The following KCNJ6 variants were observed in gnomAD, a reference collection of about 807,000 sequenced individuals.
KCNJ6 encodes potassium inwardly rectifying channel subfamily J member 6, also known as G protein-activated inward rectifier potassium channel 2.
A neutral mutation model predicts 34.2 loss-of-function variants in KCNJ6; 9 were observed. The observed-to-expected ratio is 0.26, with a 90% confidence interval of 0.16 to 0.46. The LOEUF is 0.46. Among genes scored for constraint, KCNJ6 ranks in the 20% least tolerant of loss-of-function variants. KCNJ6 has a pLI of 1.00. For missense variants in KCNJ6, 236 were observed against 531.3 expected, an observed-to-expected ratio of 0.44 and a Z score of 5.46; for synonymous variants, 196 against 207.1, an observed-to-expected ratio of 0.95 and a Z score of 0.46.
intron 2 of KCNJ6, among the ~76,000 whole-genome samples, chr21:37,786,595 T>C (rs983800445): frequency 2.0e-5 from 3 of 152,172 alleles, no homozygotes; most frequent in East Asian, 1.9e-4. Flanking sequence ...TCAAAGACTA[T>C]ATGCAACAAA....
chr21:37,676,651 C>T (rs1325830342), intron 3 of KCNJ6, among the ~76,000 whole-genome samples: 1 of 152,218 alleles, frequency 6.6e-6, no homozygotes, highest in Non-Finnish European at 1.5e-5. Context: ...AAGCAAGGCA[C>T]CAGCCAGAGC....
chr21:37,862,310 A>C (rs2055598619), intron 1 of KCNJ6, among the ~76,000 whole-genome samples: 1 of 152,260 alleles, frequency 6.6e-6, no homozygotes, highest in South Asian at 2.1e-4. Flanking sequence ...TAAATATCCA[A>C]TGTGCTTTTT....
At chr21:37,827,885 T>C (rs1357267335) in intron 2 of KCNJ6, among the ~76,000 whole-genome samples, 1 of 152,146 alleles carries the variant, frequency 6.6e-6, no homozygotes, top group Non-Finnish European at 1.5e-5. Flanking sequence ...ACCCATTAGC[T>C]TTGTGTATAT....
chr21:37,879,003 C>A (rs1222846710), intron 1 of KCNJ6, among the ~76,000 whole-genome samples: 1 of 152,164 alleles, frequency 6.6e-6, no homozygotes, highest in Non-Finnish European at 1.5e-5. Flanking sequence ...ATCATTCACG[C>A]CTGCATATGG....
intron 2 of KCNJ6, among the ~76,000 whole-genome samples, chr21:37,736,287 T>C (rs1246122978): frequency 6.6e-6 from 1 of 150,550 alleles, no homozygotes; most frequent in Non-Finnish European, 1.5e-5. Flanking sequence ...AGTCTGGGGG[T>C]GAGGGTGGGG....
Position 37,729,721 on chromosome 21 carries a change from G to T in KCNJ6, c.26-14590C>A, listed in dbSNP as rs78230532. The stretch of plus-strand genomic sequence containing the variant: ...ATGACCATCATGTACAGCGATATAG[G>T]TTGTCCGCTAACAAAGATGCCCAGA... On this transcript the variant is annotated intron_variant, in intron 2 of 3. Coordinates refer to ENST00000609713, the MANE Select transcript of KCNJ6 (RefSeq NM_002240.5). Among the ~76,000 whole-genome samples, 1,400 of 152,326 alleles carry T rather than the reference G, an allele frequency of 9.2e-3. 29 individuals carry two copies. The highest frequency in any genetic ancestry group is 0.032 in the African/African-American group (1,339 of 41,576).
intron 2 of KCNJ6, among the ~76,000 whole-genome samples, chr21:37,822,089 G>C (rs910130001): frequency 2.0e-5 from 3 of 152,170 alleles, no homozygotes; most frequent in African/African-American, 7.2e-5. Flanking sequence ...AGGTTGAACT[G>C]AACTGCAACC....
intron 2 of KCNJ6, among the ~76,000 whole-genome samples, chr21:37,798,456 A>T (rs546031853): frequency 6.6e-6 from 1 of 152,330 alleles, no homozygotes; most frequent in Admixed American, 6.5e-5. Context: ...GAGAAAGAAA[A>T]CATATGCTCA....
At chr21:37,848,701 G>A (rs879345105) in intron 1 of KCNJ6, among the ~76,000 whole-genome samples, 4 of 152,192 alleles carry the variant, frequency 2.6e-5, no homozygotes, top group African/African-American at 4.8e-5. Context: ...GCGTGAGTTC[G>A]TAGATGGCAG....
intron 1 of KCNJ6, among the ~76,000 whole-genome samples, chr21:37,899,274 A>G (rs1030520248): frequency 2.6e-5 from 4 of 152,158 alleles, no homozygotes; most frequent in Admixed American, 2.6e-4. Context: ...CGCTTTAATG[A>G]TATTCTTGCA....
chr21:37,744,529 C>A (rs2054957573), intron 2 of KCNJ6, among the ~76,000 whole-genome samples: 2 of 152,114 alleles, frequency 1.3e-5, no homozygotes, highest in South Asian at 4.1e-4. Flanking sequence ...AAAAGGGCAA[C>A]AAAACTGGCA....
chr21:37,845,919 A>G (rs1402286637), intron 1 of KCNJ6, among the ~76,000 whole-genome samples: 1 of 152,202 alleles, frequency 6.6e-6, no homozygotes, highest in African/African-American at 2.4e-5. Flanking sequence ...GAGGCACTCC[A>G]CTTAAAGTCG....
At chr21:37,883,772 C>T (rs1395324390) in intron 1 of KCNJ6, among the ~76,000 whole-genome samples, 1 of 152,192 alleles carries the variant, frequency 6.6e-6, no homozygotes, top group Non-Finnish European at 1.5e-5. Flanking sequence ...AGATTCCTTT[C>T]AGATTTGAAA....
In KCNJ6 at chr21:37,796,738, C is replaced by T. The variant is rs1214257529; in HGVS notation, c.25+43920G>A. ...TTGTCAATACAGTTGCAGTTGGCCT[C>T]TCTGGGGTCTCCTTTGAGTGTTTGT... On this transcript the variant is annotated intron_variant, in intron 2 of 3. Transcript: ENST00000609713. Among the ~76,000 whole-genome samples, 3 of 148,494 alleles carry T rather than the reference C, an allele frequency of 2.0e-5. No homozygotes were observed. In the South Asian group the frequency reaches 6.4e-4, roughly 32 times the overall value.
intron 2 of KCNJ6, among the ~76,000 whole-genome samples, chr21:37,768,138 T>C (rs940415439): frequency 6.6e-6 from 1 of 151,908 alleles, no homozygotes; most frequent in African/African-American, 2.4e-5. Context: ...TGTCTGACTT[T>C]TTCTTCTCAG....
intron 3 of KCNJ6, among the ~76,000 whole-genome samples, chr21:37,705,559 G>A (rs1377901298): frequency 6.6e-6 from 1 of 152,158 alleles, no homozygotes; most frequent in Non-Finnish European, 1.5e-5. Context: ...TACGCACCAG[G>A]CTCCACAGTG....
At chr21:37,893,540 T>C (rs1288438810) in intron 1 of KCNJ6, among the ~76,000 whole-genome samples, 3 of 152,198 alleles carry the variant, frequency 2.0e-5, no homozygotes, top group Non-Finnish European at 4.4e-5. Flanking sequence ...TGTTGACTTC[T>C]TTGGTCCATA....
chr21:37,796,083 A>G (rs1054372370), intron 2 of KCNJ6, among the ~76,000 whole-genome samples: 1 of 152,122 alleles, frequency 6.6e-6, no homozygotes, highest in Non-Finnish European at 1.5e-5. Context: ...GTTGGGAGAG[A>G]GCAGCGCTGT....
chr21:37,849,568 T>C (rs992635694), intron 1 of KCNJ6, among the ~76,000 whole-genome samples: 7 of 152,204 alleles, frequency 4.6e-5, no homozygotes, highest in African/African-American at 7.2e-5. Flanking sequence ...CCGCATTCCA[T>C]GGCTTGCCTG....
Sources: allele counts gnomAD v4.1 joint callset (sites outside exome capture counted in the v4.1 genomes callset), GRCh38; gene constraint gnomAD v4.1.1; transcripts MANE v1.5; gene names NCBI Gene and HGNC (gene_info 2026-07-23, HGNC 2026-07-21).